Variants in LHFPL1 observed in about 807,000 individuals in gnomAD.
LHFPL1 encodes the protein LHFPL tetraspan subfamily member 1 protein.
A neutral mutation model predicts 12.1 loss-of-function variants in LHFPL1; 4 were observed. The ratio of observed to expected loss-of-function variants is 0.33; its 90% CI spans 0.16 to 0.76. The LOEUF (loss-of-function observed/expected upper bound fraction) is 0.76. LHFPL1 is among the 30% of genes least tolerant of loss of function. LHFPL1 has a pLI of 0.61. For missense variants in LHFPL1, 141 were observed against 174.1 expected (o/e 0.81, Z 1.07); for synonymous variants, 52 against 61.9 (o/e 0.84, Z 0.75).
Position 112,630,747 on chromosome X carries a change from T to C in LHFPL1, c.*673A>G, listed in dbSNP as rs1203142934. 8.9e-6 allele frequency: 1 copy of C among 111,784 alleles called. No homozygotes were observed. Among genetic ancestry groups the C allele is most frequent in the African/African-American group, 3.3e-5 (1 of 30,718 alleles). The allele number at this position is 111,784 out of a possible 1,213,427, so 9.2% of individuals were successfully genotyped here. A position where few individuals can be genotyped will look rare whatever the true frequency, so the allele number is the denominator to read the frequency against. On this transcript the variant is annotated 3_prime_UTR_variant, in exon 4 of 4. Transcript: ENST00000371968. The stretch of plus-strand genomic sequence containing the variant: ...ACACCATTTCTTTATCTCTAAAGGA[T>C]GAGAGAATATTTGCTACTATATATT...
At chrX:112,678,163 T>C (rs1304011004) in intron 1 of LHFPL1, among the ~76,000 whole-genome samples, 1 of 111,235 alleles carries the variant, frequency 9.0e-6, no homozygotes. Flanking sequence ...AAAAAGAACC[T>C]CCACATCAGG....
intron 2 of LHFPL1, chrX:112,661,813 C>G (rs1000376621): frequency 2.7e-4 from 30 of 112,252 alleles, no homozygotes; most frequent in African/African-American, 8.4e-4. Flanking sequence ...AGCTAGTTAA[C>G]AGATAATGCA....
chrX:112,631,611 C>A lies in LHFPL1; in HGVS notation c.482-10G>T, dbSNP rs1434787733. 2 of 1,161,703 alleles carry A rather than the reference C, an allele frequency of 1.7e-6. No individual in the cohort carries two copies. The highest frequency in any genetic ancestry group is 2.3e-6 in the Non-Finnish European group (2 of 857,729). On this transcript the variant is annotated splice_polypyrimidine_tract_variant and intron_variant, in intron 3 of 3. Transcript: ENST00000371968. Reference sequence around the variant, plus strand: ...CCAAGCCGACAGGTACCTGTGAGAACAGGGACAGAGAATGAGGATTGGGTT... The same window carrying A: ...CCAAGCCGACAGGTACCTGTGAGAAAAGGGACAGAGAATGAGGATTGGGTT...
intron 2 of LHFPL1, among the ~76,000 whole-genome samples, chrX:112,664,625 T>C (rs1311565835): frequency 9.4e-6 from 1 of 105,897 alleles, no homozygotes; most frequent in Non-Finnish European, 1.9e-5. Flanking sequence ...GGTGAGCACA[T>C]TAGGTTGTAA....
chrX:112,654,765 C>A (rs894086432), intron 3 of LHFPL1, among the ~76,000 whole-genome samples: 1 of 111,103 alleles, frequency 9.0e-6, no homozygotes, highest in African/African-American at 3.3e-5. Context: ...AAATAACGAT[C>A]TGAAATATGG....
chrX:112,667,286 G>T (rs900921301), intron 2 of LHFPL1, among the ~76,000 whole-genome samples: 25 of 111,763 alleles, frequency 2.2e-4, no homozygotes, highest in African/African-American at 7.8e-4. Context: ...AAAAAATAAT[G>T]TCCAGGGTAG....
intron 3 of LHFPL1, among the ~76,000 whole-genome samples, chrX:112,655,461 A>G (rs1377343386): frequency 3.6e-5 from 4 of 112,263 alleles, no homozygotes; most frequent in African/African-American, 1.3e-4. Flanking sequence ...TGAAAACCTA[A>G]GAAAAGATAG....
chrX:112,635,610 T>C (rs770855332), intron 3 of LHFPL1, among the ~76,000 whole-genome samples: 1 of 112,464 alleles, frequency 8.9e-6, no homozygotes, highest in South Asian at 3.7e-4. Context: ...TATTGTAGTA[T>C]GAATATGATA....
chrX:112,661,312 C>A (rs1931180216), intron 2 of LHFPL1, among the ~76,000 whole-genome samples: 1 of 110,982 alleles, frequency 9.0e-6, no homozygotes, highest in Non-Finnish European at 1.9e-5. Flanking sequence ...AGGATGAAGG[C>A]CCTTTTATTT....
chrX:112,633,334 A>T lies in LHFPL1; in HGVS notation c.482-1733T>A, dbSNP rs187840916. Among the ~76,000 whole-genome samples, 66 of 112,366 alleles carry T rather than the reference A, an allele frequency of 5.9e-4. 1 individual carries two copies. Among genetic ancestry groups the T allele is most frequent in the African/African-American group, 2.0e-3 (62 of 30,968 alleles). ...TGAATTAAAGTTGAAAAACCAGCGA[A>T]TATAGTATTTTATTTCTTTCTGGAA... On this transcript the variant is annotated intron_variant, in intron 3 of 3. Transcript: ENST00000371968.
intron 2 of LHFPL1, among the ~76,000 whole-genome samples, chrX:112,670,445 C>T (rs1178721674): frequency 8.9e-6 from 1 of 112,398 alleles, no homozygotes; most frequent in East Asian, 2.8e-4. Flanking sequence ...CACAAGAAAT[C>T]TGGGTAGACT....
At chrX:112,672,040 T>G (rs1417623636) in intron 1 of LHFPL1, among the ~76,000 whole-genome samples, 1 of 111,554 alleles carries the variant, frequency 9.0e-6, no homozygotes, top group Non-Finnish European at 1.9e-5. Context: ...TCAGCCAGGT[T>G]TAAATGGATA....
intron 1 of LHFPL1, among the ~76,000 whole-genome samples, chrX:112,673,769 C>T (rs1356404403): frequency 8.9e-6 from 1 of 111,835 alleles, no homozygotes; most frequent in East Asian, 2.8e-4. Flanking sequence ...TTACCTGAAG[C>T]CTTCCCCTAC....
intron 1 of LHFPL1, among the ~76,000 whole-genome samples, chrX:112,672,450 C>T (rs1931536229): frequency 1.9e-5 from 2 of 106,543 alleles, no homozygotes; most frequent in Admixed American, 2.0e-4. Context: ...TCTGCCATTG[C>T]TTTCTGGCCT....
chrX:112,636,465 T>C (rs748913125), intron 3 of LHFPL1, among the ~76,000 whole-genome samples: 1 of 112,235 alleles, frequency 8.9e-6, no homozygotes, highest in East Asian at 2.8e-4. Context: ...TCAAAATAAA[T>C]CTTGATGACT....
At chrX:112,644,837 G>A (rs1387852471) in intron 3 of LHFPL1, among the ~76,000 whole-genome samples, 1 of 112,254 alleles carries the variant, frequency 8.9e-6, no homozygotes, top group Admixed American at 9.4e-5. Context: ...AAAACAAACT[G>A]TCCATAAAGA....
chrX:112,674,519 G>A (rs1602698833), intron 1 of LHFPL1, among the ~76,000 whole-genome samples: 1 of 109,906 alleles, frequency 9.1e-6, no homozygotes, highest in East Asian at 2.9e-4. Flanking sequence ...CACAGAGAGA[G>A]AAAATCTTCA....
At chrX:112,677,884 T>C (rs1261751733) in intron 1 of LHFPL1, among the ~76,000 whole-genome samples, 2 of 111,151 alleles carry the variant, frequency 1.8e-5, no homozygotes, top group Non-Finnish European at 3.8e-5. Context: ...TCAGATTTCA[T>C]GTTTGCTGAA....
At chrX:112,654,169 T>C (rs1485131754) in intron 3 of LHFPL1, among the ~76,000 whole-genome samples, 1 of 112,294 alleles carries the variant, frequency 8.9e-6, no homozygotes, top group Non-Finnish European at 1.9e-5. Flanking sequence ...GACATATACA[T>C]AAAGTTGTTC....
Sources: gnomAD v4.1 joint callset for allele counts (sites outside exome capture counted in the v4.1 genomes callset) on GRCh38, gnomAD v4.1.1 for gene constraint, MANE v1.5 for transcripts, NCBI Gene and HGNC (gene_info 2026-07-23, HGNC 2026-07-21) for gene names.